The following ARHGAP35 variants were observed in gnomAD, a reference collection of about 807,000 sequenced individuals.
ARHGAP35 encodes the protein rho GTPase-activating protein 35.
A neutral mutation model predicts 111.1 loss-of-function variants in ARHGAP35; 15 were observed. The ratio of observed to expected loss-of-function variants is 0.13; its 90% CI spans 0.09 to 0.21. The LOEUF is 0.21. ARHGAP35 is among the 10% of genes least tolerant of loss of function. The pLI is 1.00. For missense variants in ARHGAP35, 1,262 were observed against 1,873.0 expected (o/e 0.67, Z 6.02); for synonymous variants, 643 against 710.3 (o/e 0.91, Z 1.51).
chr19:46,978,499 G>A (rs900702990), intron 3 of ARHGAP35, among the ~76,000 whole-genome samples: 3 of 151,086 alleles, frequency 2.0e-5, no homozygotes, highest in Non-Finnish European at 4.4e-5. Flanking sequence ...GTGTGTGTGT[G>A]GTGGTGGCGT....
Position 46,919,665 on chromosome 19 carries a change from T to A in ARHGAP35, c.990T>A (p.His330Gln). 1 of 1,613,960 alleles carries A rather than the reference T, an allele frequency of 6.2e-7. No individual in the cohort carries two copies. Among genetic ancestry groups the A allele is most frequent in the Non-Finnish European group, 8.5e-7 (1 of 1,179,878 alleles). ...LFLQHIHRLKHEHIERRRKLY... is the reference protein window; with the variant it reads ...LFLQHIHRLKQEHIERRRKLY... The stretch of plus-strand genomic sequence containing the variant: ...TACAGCACATCCACCGCCTCAAGCA[T>A]GAGCATATCGAGCGTAGGAGAAAGC... Residue 330 changes from histidine to glutamine, a missense_variant, in exon 2 of 7, where the codon CAT becomes CAA. Coordinates refer to ENST00000672722, the MANE Select transcript of ARHGAP35 (RefSeq NM_004491.5). This position sits in a 1 kb window ranked among gnomAD's most constrained non-coding sequence, Gnocchi z 6.2.
rs191979 is a variant in ARHGAP35, at chr19:46,888,242, G to A, written c.-189+27033G>A. 1.8e-4 allele frequency among the ~76,000 whole-genome samples: 21 copies of A among 119,828 alleles called. 1 individual carries two copies. In the South Asian group the frequency reaches 5.0e-3, roughly 29 times the overall value. 78.6% of individuals were successfully genotyped at this position (119,828 alleles called of 152,430 possible). A position where few individuals can be genotyped will look rare whatever the true frequency, so the allele number is the denominator to read the frequency against. On this transcript the variant is annotated intron_variant, in intron 1 of 6. Coordinates refer to ENST00000672722, the MANE Select transcript of ARHGAP35 (RefSeq NM_004491.5). ...GCTGGGGTTACAGGCGTAAGCCACC[G>A]CACCCGGCCTCAATCAATAATATAT...
intron 1 of ARHGAP35, among the ~76,000 whole-genome samples, chr19:46,902,895 A>T (rs1165413735): frequency 6.6e-6 from 1 of 152,176 alleles, no homozygotes; most frequent in Non-Finnish European, 1.5e-5. Flanking sequence ...TCTTTATCTG[A>T]ATGCAATCTA....
intron 5 of ARHGAP35, among the ~76,000 whole-genome samples, chr19:46,990,804 C>T (rs1460661151): frequency 1.3e-5 from 2 of 152,204 alleles, no homozygotes; most frequent in Non-Finnish European, 1.5e-5. Flanking sequence ...GCAAGAAGCC[C>T]ACCCCTGAAC....
At chr19:46,955,396 T>A (rs2056433771) in intron 3 of ARHGAP35, among the ~76,000 whole-genome samples, 1 of 152,224 alleles carries the variant, frequency 6.6e-6, no homozygotes, top group African/African-American at 2.4e-5. Flanking sequence ...ATAAGCATTA[T>A]TTCATGTCAC....
chr19:46,979,993 A>AGC (rs2056612534), intron 3 of ARHGAP35, among the ~76,000 whole-genome samples: 1 of 152,136 alleles, frequency 6.6e-6, no homozygotes, highest in South Asian at 2.1e-4. Flanking sequence ...TTTCAATAGT[A>AGC]GCGCTTCTGC....
chr19:46,967,482 C>G (rs2056522110), intron 3 of ARHGAP35, among the ~76,000 whole-genome samples: 1 of 152,144 alleles, frequency 6.6e-6, no homozygotes, highest in African/African-American at 2.4e-5. Context: ...AGTCTCTCAC[C>G]CTCTTCTTGG....
In ARHGAP35 at chr19:46,975,304, C is replaced by G. The variant is rs138497291; in HGVS notation, c.3827-12685C>G. The stretch of plus-strand genomic sequence containing the variant: ...CTTCTACTACACTGCCCCATCCCCT[C>G]CTGCAGGGGTCCTAAATTTAAGACC... On this transcript the variant is annotated intron_variant, in intron 3 of 6. Coordinates refer to ENST00000672722, the MANE Select transcript of ARHGAP35 (RefSeq NM_004491.5). Among the ~76,000 whole-genome samples, 428 of 152,330 alleles carry G rather than the reference C, an allele frequency of 2.8e-3. 2 individuals are homozygous for G. The highest frequency in any genetic ancestry group is 9.8e-3 in the African/African-American group (408 of 41,582).
chr19:46,877,290 C>A (rs2055930161), intron 1 of ARHGAP35, among the ~76,000 whole-genome samples: 1 of 147,070 alleles, frequency 6.8e-6, no homozygotes, highest in Non-Finnish European at 1.5e-5. Context: ...TGGCTGGGCG[C>A]AGTGGGTCAT....
chr19:46,990,534 G>A (rs896639365), intron 5 of ARHGAP35, among the ~76,000 whole-genome samples: 3 of 152,200 alleles, frequency 2.0e-5, no homozygotes, highest in African/African-American at 7.2e-5. Flanking sequence ...AGAAGGGAGT[G>A]TCTCTGCTAG....
chr19:46,980,086 T>C (rs1197005854), intron 3 of ARHGAP35, among the ~76,000 whole-genome samples: 5 of 152,018 alleles, frequency 3.3e-5, no homozygotes, highest in Non-Finnish European at 5.9e-5. Context: ...CTCCAGTTCA[T>C]AGAAGAGAAA....
intron 3 of ARHGAP35, among the ~76,000 whole-genome samples, chr19:46,941,643 A>G (rs944531733): frequency 6.7e-6 from 1 of 150,210 alleles, no homozygotes; most frequent in African/African-American, 2.4e-5. Context: ...TGGTGCAGTC[A>G]TAGCTCACTT....
At chr19:46,880,305 G>A (rs975494132) in intron 1 of ARHGAP35, among the ~76,000 whole-genome samples, 1 of 151,710 alleles carries the variant, frequency 6.6e-6, no homozygotes, top group Non-Finnish European at 1.5e-5. Flanking sequence ...GGTGGTGCAT[G>A]CCTGTAATCC....
At chr19:46,961,853 C>T (rs539718797) in intron 3 of ARHGAP35, among the ~76,000 whole-genome samples, 2 of 152,164 alleles carry the variant, frequency 1.3e-5, no homozygotes, top group Middle Eastern at 3.4e-3. Flanking sequence ...TTGCTTGAAT[C>T]GGGGAGGCAG....
At chr19:46,954,077 T>C (rs1599843973) in intron 3 of ARHGAP35, among the ~76,000 whole-genome samples, 1 of 152,154 alleles carries the variant, frequency 6.6e-6, no homozygotes, top group African/African-American at 2.4e-5. Flanking sequence ...CCCTCTGCCA[T>C]GTGAGGACAC....
intron 2 of ARHGAP35, 90 bp from the exon 3 acceptor site, chr19:46,937,174 A>T (rs2056314357): frequency 6.8e-7 from 1 of 1,466,972 alleles, no homozygotes; most frequent in Non-Finnish European, 9.3e-7. Context: ...TTTTTATACC[A>T]CTGCTTCCCT....
intron 2 of ARHGAP35, among the ~76,000 whole-genome samples, chr19:46,924,368 A>G (rs1298777742): frequency 6.6e-6 from 1 of 152,156 alleles, no homozygotes; most frequent in African/African-American, 2.4e-5. Context: ...GCTACATCCC[A>G]TAGTAGAGAG....
intron 5 of ARHGAP35, among the ~76,000 whole-genome samples, chr19:46,995,706 G>T (rs1479402883): frequency 6.6e-6 from 1 of 152,252 alleles, no homozygotes; most frequent in Non-Finnish European, 1.5e-5. Flanking sequence ...AAGCTGTCCT[G>T]CCAGCACTTG....
intron 3 of ARHGAP35, among the ~76,000 whole-genome samples, chr19:46,954,074 C>T (rs909880316): frequency 1.3e-5 from 2 of 152,174 alleles, no homozygotes; most frequent in African/African-American, 4.8e-5. Context: ...CCTCCCTCTG[C>T]CATGTGAGGA....
Sources: gnomAD v4.1 joint callset for allele counts (sites outside exome capture counted in the v4.1 genomes callset) on GRCh38, gnomAD v4.1.1 for gene constraint, Gnocchi (gnomAD v3.1) non-coding constraint, MANE v1.5 for transcripts, NCBI Gene and HGNC (gene_info 2026-07-23, HGNC 2026-07-21) for gene names.